The following AGBL4 variants were observed in gnomAD, a reference collection of about 807,000 sequenced individuals.
AGBL4 encodes the protein cytosolic carboxypeptidase 6.
Under a neutral mutation model 66.4 loss-of-function variants are expected in AGBL4, and 58 were observed. The ratio of observed to expected loss-of-function variants is 0.87; its 90% CI spans 0.71 to 1.09. The LOEUF is 1.09. Ranked by LOEUF, AGBL4 falls within the 50% of genes least tolerant of loss-of-function variation. The pLI, the probability that AGBL4 is intolerant of heterozygous loss-of-function variation, is 0.00. For missense variants in AGBL4, 579 were observed against 631.0 expected (o/e 0.92, Z 0.88); for synonymous variants, 234 against 222.9 (o/e 1.05, Z -0.44).
chr1:49,607,421 A>G (rs2124207385), intron 3 of AGBL4, among the ~76,000 whole-genome samples: 1 of 152,276 alleles, frequency 6.6e-6, no homozygotes, highest in African/African-American at 2.4e-5. Context: ...AGTTCAGCAC[A>G]GAGTCCTCAA....
At chr1:48,921,028 G>A (rs1374988145) in intron 5 of AGBL4, among the ~76,000 whole-genome samples, 5 of 152,244 alleles carry the variant, frequency 3.3e-5, no homozygotes, top group Non-Finnish European at 7.3e-5. Context: ...AGTGCCATTT[G>A]CCTGAAGGAG....
At chr1:48,626,143 T>C (rs779737330) in intron 9 of AGBL4, among the ~76,000 whole-genome samples, 2 of 152,200 alleles carry the variant, frequency 1.3e-5, no homozygotes, top group African/African-American at 4.8e-5. Flanking sequence ...GAAAACTGTT[T>C]GAGCAGACCT....
rs190729670 is a variant in AGBL4, at chr1:49,627,435, C to T, written c.282+69878G>A. ...CTGAGTGTGCCTACTCCCATTTATC[C>T]AATCACATGCACCTTTACCCCAGAC... is the stretch of plus-strand genomic sequence containing the variant. On this transcript the variant is annotated intron_variant, in intron 3 of 13. Coordinates refer to ENST00000371839, the MANE Select transcript of AGBL4 (RefSeq NM_032785.4). Among the ~76,000 whole-genome samples, 138 of 152,160 alleles carry T rather than the reference C, an allele frequency of 9.1e-4. 1 individual carries two copies. The highest frequency in any genetic ancestry group is 3.2e-3 in the African/African-American group (133 of 41,498).
In AGBL4 at chr1:49,522,154, GC is replaced by G. The variant is rs527596788; in HGVS notation, c.282+175158del. ...ACAATCTAATCATACTGCTATGATT[GC>G]ATTTATCATATTGAGTTAGATTTTT... On this transcript the variant is annotated intron_variant, in intron 3 of 13. Transcript: ENST00000371839. Among the ~76,000 whole-genome samples, 321 of 152,160 alleles carry G rather than the reference GC, an allele frequency of 2.1e-3. 3 individuals are homozygous for G. Among genetic ancestry groups the G allele is most frequent in the Non-Finnish European group, 3.1e-3 (213 of 67,988 alleles).
At chr1:49,875,325 G>C (rs1211409239) in intron 1 of AGBL4, among the ~76,000 whole-genome samples, 6 of 78,554 alleles carry the variant, frequency 7.6e-5, no homozygotes, top group Admixed American at 4.1e-4. Context: ...CCACACCACA[G>C]TCCCCAGAGT....
At chr1:49,372,609 T>C (rs537516448) in intron 3 of AGBL4, among the ~76,000 whole-genome samples, 117 of 7,642 alleles carry the variant, frequency 0.015, 1 homozygote, top group Non-Finnish European at 0.023. Context: ...CTTTTTCTTT[T>C]TCTTTCTTTC....
intron 2 of AGBL4, among the ~76,000 whole-genome samples, chr1:49,800,428 A>G (rs1043907526): frequency 4.9e-5 from 7 of 142,204 alleles, no homozygotes; most frequent in Non-Finnish European, 9.1e-5. Flanking sequence ...GGTTAGTTAC[A>G]TATGTATACA....
intron 1 of AGBL4, among the ~76,000 whole-genome samples, chr1:49,958,182 T>C (rs1469748726): frequency 6.6e-6 from 1 of 152,076 alleles, no homozygotes; most frequent in Admixed American, 6.6e-5. Context: ...ATGTTGAATA[T>C]TGGCCCCCAG....
intron 2 of AGBL4, among the ~76,000 whole-genome samples, chr1:49,752,092 TCA>T (rs1047752640): frequency 6.6e-6 from 1 of 152,116 alleles, no homozygotes; most frequent in Non-Finnish European, 1.5e-5. Flanking sequence ...TGCTCTGATC[TCA>T]GTTATTTCTT....
intron 3 of AGBL4, among the ~76,000 whole-genome samples, chr1:49,438,229 T>C (rs1013892288): frequency 3.9e-5 from 6 of 152,218 alleles, no homozygotes; most frequent in Non-Finnish European, 7.3e-5. Context: ...GTCAAGCTTA[T>C]GAAATTTGGT....
intron 2 of AGBL4, among the ~76,000 whole-genome samples, chr1:49,813,536 A>C (rs190624476): frequency 6.6e-6 from 1 of 152,126 alleles, no homozygotes; most frequent in Non-Finnish European, 1.5e-5. Context: ...ATAATACCCT[A>C]TACAGACTCT....
chr1:49,878,348 TG>T (rs2148132717), intron 1 of AGBL4, among the ~76,000 whole-genome samples: 1 of 150,118 alleles, frequency 6.7e-6, no homozygotes, highest in African/African-American at 2.5e-5. Flanking sequence ...CCAGAGATTC[TG>T]GTATGTTGTG....
chr1:49,034,166 C>T (rs898837342), intron 5 of AGBL4, among the ~76,000 whole-genome samples: 1 of 152,062 alleles, frequency 6.6e-6, no homozygotes, highest in Non-Finnish European at 1.5e-5. Flanking sequence ...TTAAACTAAC[C>T]ATCAGACAAA....
chr1:49,802,316 C>T (rs1644880461), intron 2 of AGBL4, among the ~76,000 whole-genome samples: 1 of 152,146 alleles, frequency 6.6e-6, no homozygotes. Context: ...CCTCATCTTG[C>T]CACAGCTCTT....
At chr1:48,783,537 C>T (rs1391127140) in intron 6 of AGBL4, among the ~76,000 whole-genome samples, 2 of 152,180 alleles carry the variant, frequency 1.3e-5, no homozygotes, top group African/African-American at 4.8e-5. Context: ...AGGAATCAAA[C>T]CAGTGGTTAA....
chr1:48,985,290 G>A (rs1252346354), intron 5 of AGBL4, among the ~76,000 whole-genome samples: 1 of 152,042 alleles, frequency 6.6e-6, no homozygotes, highest in South Asian at 2.1e-4. Context: ...TGAGAGCTTG[G>A]AAAGACCCTC....
intron 3 of AGBL4, among the ~76,000 whole-genome samples, chr1:49,681,381 T>C (rs983013553): frequency 2.0e-5 from 3 of 152,164 alleles, no homozygotes; most frequent in African/African-American, 4.8e-5. Context: ...AAAGGGGAGG[T>C]TACCTCATTA....
At chr1:49,151,676 G>A (rs1301266910) in intron 4 of AGBL4, among the ~76,000 whole-genome samples, 2 of 152,036 alleles carry the variant, frequency 1.3e-5, no homozygotes, top group African/African-American at 4.8e-5. Flanking sequence ...GACAGAGAGA[G>A]GGTCTATAAT....
intron 2 of AGBL4, among the ~76,000 whole-genome samples, chr1:49,710,848 G>A (rs1007298235): frequency 2.0e-5 from 3 of 151,670 alleles, no homozygotes; most frequent in Non-Finnish European, 2.9e-5. Context: ...GAAAAAGAAC[G>A]TGTATCTTGA....
Sources: gnomAD v4.1 joint callset for allele counts (sites outside exome capture counted in the v4.1 genomes callset) on GRCh38, gnomAD v4.1.1 for gene constraint, MANE v1.5 for transcripts, NCBI Gene and HGNC (gene_info 2026-07-23, HGNC 2026-07-21) for gene names.